SPPL2A: variants seen among roughly 807,000 people sequenced by gnomAD.
SPPL2A encodes the protein signal peptide peptidase like 2A.
In SPPL2A, 51 loss-of-function variants were observed where a neutral mutation model predicts 63.8. The ratio of observed to expected loss-of-function variants is 0.80; its 90% CI spans 0.64 to 1.01. SPPL2A has a LOEUF of 1.01. Among genes scored for constraint, SPPL2A ranks in the 50% least tolerant of loss-of-function variants. The pLI, the probability that SPPL2A is intolerant of heterozygous loss-of-function variation, is 0.00. For missense variants in SPPL2A, 553 were observed against 622.7 expected (o/e 0.89, Z 1.19); for synonymous variants, 188 against 205.8 (o/e 0.91, Z 0.74).
At chr15:50,759,938 T>C (rs1389131440) in intron 1 of SPPL2A, among the ~76,000 whole-genome samples, 5 of 152,114 alleles carry the variant, frequency 3.3e-5, no homozygotes, top group Admixed American at 6.6e-5. Context: ...AAGAGATATA[T>C]AGCCATTAGT....
intron 14 of SPPL2A, among the ~76,000 whole-genome samples, chr15:50,712,797 T>G (rs531086234): frequency 6.6e-6 from 1 of 151,382 alleles, no homozygotes; most frequent in Admixed American, 6.6e-5. Context: ...GCAATTCTCC[T>G]GCCTCAGCCT....
At chr15:50,726,230 T>C in intron 11 of SPPL2A, 91 bp downstream of exon 11, 1 of 1,471,812 alleles carries the variant, frequency 6.8e-7, no homozygotes, top group Non-Finnish European at 9.4e-7. Context: ...ACATGCACTA[T>C]GTGGCCAGTG....
At chr15:50,718,319 A>G (rs1264749451) in intron 14 of SPPL2A, among the ~76,000 whole-genome samples, 1 of 152,098 alleles carries the variant, frequency 6.6e-6, no homozygotes, top group Non-Finnish European at 1.5e-5. Context: ...GCCTCTTTCC[A>G]ACTTGATCAT....
chr15:50,726,658 T>C (rs1181830751), intron 10 of SPPL2A, among the ~76,000 whole-genome samples: 1 of 152,242 alleles, frequency 6.6e-6, no homozygotes, highest in East Asian at 1.9e-4. Context: ...AGTTCTGATT[T>C]GTAATGACAT....
At chr15:50,730,621 G>C (rs753224421) in intron 10 of SPPL2A, among the ~76,000 whole-genome samples, 10 of 152,172 alleles carry the variant, frequency 6.6e-5, no homozygotes, top group African/African-American at 2.4e-4. Context: ...GATTTCCAGC[G>C]TGCTGCTCTT....
Position 50,712,670 on chromosome 15 carries a change from T to TCC in SPPL2A, c.1489-4798_1489-4797dup, listed in dbSNP as rs376175768. 5.2e-4 allele frequency among the ~76,000 whole-genome samples: 28 copies of TCC among 53,826 alleles called. No individual in the cohort carries two copies. The East Asian group carries it at 0.015, about 28-fold the overall frequency. 35.3% of individuals were successfully genotyped at this position (53,826 alleles called of 152,430 possible). A position where few individuals can be genotyped will look rare whatever the true frequency, so the allele number is the denominator to read the frequency against. The stretch of plus-strand genomic sequence containing the variant: ...TTCCTTTCCTCCCTTCCTCCCTCCC[T>TCC]CCCCCCCCCTTTTTTTTTTTTTTTC... On this transcript the variant is annotated intron_variant, in intron 14 of 14. Coordinates refer to ENST00000261854, the MANE Select transcript of SPPL2A (RefSeq NM_032802.4).
Position 50,732,586 on chromosome 15 carries a change from A to G in SPPL2A, c.1014+17T>C, listed in dbSNP as rs779573377. ...AAAAATTTATTTTAACTAGCAAAGT[A>G]GTATTGTATACATTACCTTGAAGTT... On this transcript the variant is annotated intron_variant, in intron 9 of 14. Coordinates refer to ENST00000261854, the MANE Select transcript of SPPL2A (RefSeq NM_032802.4). 1 of 1,430,280 alleles carries G rather than the reference A, an allele frequency of 7.0e-7. No homozygotes were observed. Among genetic ancestry groups the G allele is most frequent in the Non-Finnish European group, 9.7e-7 (1 of 1,026,872 alleles). 88.6% of individuals were successfully genotyped at this position (1,430,280 alleles called of 1,614,324 possible).
At chr15:50,714,680 G>A (rs999587272) in intron 14 of SPPL2A, among the ~76,000 whole-genome samples, 5 of 151,146 alleles carry the variant, frequency 3.3e-5, no homozygotes, top group Non-Finnish European at 5.9e-5. Flanking sequence ...GGTGGCTCAT[G>A]CCTGTAATCC....
chr15:50,747,549 A>G lies in SPPL2A; in HGVS notation c.530T>C (p.Val177Ala). The G allele has an allele frequency of 6.2e-7, 1 of 1,611,824 alleles. No homozygotes were observed. The change falls in exon 5 of 15, where the codon GTA (valine) becomes GCA (alanine). Residue 177 changes from valine to alanine, a missense_variant. Transcript: ENST00000261854. Reference protein sequence around the residue: ...NFDYTMVVIFVIAVFTVALGG... With the variant: ...NFDYTMVVIFAIAVFTVALGG... ...TAATGCCACAGTGAACACCGCAATT[A>G]CAAAAATAACCACCATAGTATAATC...
At position 50,748,610 on chromosome 15, in the gene SPPL2A, C is replaced by T; in HGVS notation, c.360+78G>A. 7 of 980,434 alleles carry T rather than the reference C, an allele frequency of 7.1e-6. No homozygotes were observed. In the South Asian group the frequency reaches 1.3e-4, roughly 18 times the overall value. The allele number at this position is 980,434 out of a possible 1,614,324, so 60.7% of individuals were successfully genotyped here. ...TTCAAAACTCAGCCTCTAAACCACACACAAAGACGTTAATTCCATTTTTGT... is the reference window on the plus strand; with the variant it reads ...TTCAAAACTCAGCCTCTAAACCACATACAAAGACGTTAATTCCATTTTTGT... On this transcript the variant is annotated intron_variant, in intron 3 of 14. Transcript: ENST00000261854.
chr15:50,739,170 C>CTT (rs71127136), intron 6 of SPPL2A, among the ~76,000 whole-genome samples: 2,432 of 106,884 alleles, frequency 0.023, 40 homozygotes, highest in Middle Eastern at 0.035. Context: ...ACATAACGTA[C>CTT]TTTTTTTTTT....
At chr15:50,740,447 A>G (rs28578597) in intron 5 of SPPL2A, among the ~76,000 whole-genome samples, 23,091 of 128,072 alleles carry the variant, frequency 0.18, 2,667 homozygotes, top group East Asian at 0.44. Flanking sequence ...AAAAAAAAAG[A>G]AAAAAAAAAG....
At chr15:50,732,376 G>A (rs2062737933) in intron 9 of SPPL2A, among the ~76,000 whole-genome samples, 1 of 152,042 alleles carries the variant, frequency 6.6e-6, no homozygotes, top group Non-Finnish European at 1.5e-5. Context: ...TGGTTGTCTG[G>A]GCCTGGGGGT....
chr15:50,739,108 G>A (rs939496975), intron 6 of SPPL2A, among the ~76,000 whole-genome samples: 1 of 151,062 alleles, frequency 6.6e-6, no homozygotes, highest in African/African-American at 2.4e-5. Flanking sequence ...GAAAACTTAG[G>A]GACCATGGCA....
chr15:50,733,433 T>C (rs760956675), intron 8 of SPPL2A, among the ~76,000 whole-genome samples: 5 of 152,168 alleles, frequency 3.3e-5, no homozygotes, highest in Non-Finnish European at 7.4e-5. Context: ...TATATCCCCC[T>C]CTTTCTTGCA....
At chr15:50,755,027 C>T (rs189482598) in intron 1 of SPPL2A, among the ~76,000 whole-genome samples, 2 of 147,782 alleles carry the variant, frequency 1.4e-5, no homozygotes, top group African/African-American at 2.5e-5. Flanking sequence ...ACAAAAAAAA[C>T]GCAAATTCGG....
chr15:50,745,938 C>A (rs1438777478), intron 5 of SPPL2A, among the ~76,000 whole-genome samples: 1 of 151,914 alleles, frequency 6.6e-6, no homozygotes, highest in Non-Finnish European at 1.5e-5. Context: ...GTAATCCCAG[C>A]TACTAAAGAG....
At chr15:50,712,719 A>C in intron 14 of SPPL2A, among the ~76,000 whole-genome samples, 1 of 111,208 alleles carries the variant, frequency 9.0e-6, no homozygotes, top group African/African-American at 3.5e-5. Flanking sequence ...TTGCTCTGTC[A>C]CCCAGGCTGG....
intron 5 of SPPL2A, 30 bp from the exon 6 acceptor site, chr15:50,739,858 T>C: frequency 6.4e-7 from 1 of 1,550,870 alleles, no homozygotes. Context: ...CTTTAGCAAA[T>C]CTTAGCCAAG....
Sources: allele counts gnomAD v4.1 joint callset (sites outside exome capture counted in the v4.1 genomes callset), GRCh38; gene constraint gnomAD v4.1.1; transcripts MANE v1.5; gene names NCBI Gene and HGNC (gene_info 2026-07-23, HGNC 2026-07-21).